The following COL13A1 variants were observed in gnomAD, a reference collection of about 807,000 sequenced individuals.
COL13A1 encodes collagen type XIII alpha 1 chain.
In COL13A1, 89 loss-of-function variants were observed where a neutral mutation model predicts 130.9. The ratio of observed to expected loss-of-function variants is 0.68; its 90% CI spans 0.57 to 0.81. The LOEUF is 0.81. Among genes scored for constraint, COL13A1 ranks in the 30% least tolerant of loss-of-function variants. The pLI is 0.00. For synonymous variants in COL13A1, 402 were observed against 341.6 expected (o/e 1.18, Z -1.95); for missense variants, 879 against 934.6 (o/e 0.94, Z 0.78).
intron 1 of COL13A1, among the ~76,000 whole-genome samples, chr10:69,805,385 G>A (rs1841284755): frequency 6.6e-6 from 1 of 152,182 alleles, no homozygotes. Context: ...GGAGCCAGAG[G>A]AAGGGAGCTG....
Position 69,890,694 on chromosome 10 carries a change from G to T in COL13A1, c.603+1254G>T, listed in dbSNP as rs74699887. 7.6e-3 allele frequency among the ~76,000 whole-genome samples: 1,153 copies of T among 152,360 alleles called. 12 individuals are homozygous for T. The highest frequency in any genetic ancestry group is 0.027 in the African/African-American group (1,105 of 41,584). ...GCTCCAGCCTAGCTCTTCCTAACTT[G>T]CCAGCTCCCTCTGGGCCCCAACCTG... On this transcript the variant is annotated intron_variant, in intron 10 of 40. Transcript: ENST00000645393.
intron 12 of COL13A1, among the ~76,000 whole-genome samples, chr10:69,895,114 C>G (rs2061512481): frequency 6.6e-6 from 1 of 152,234 alleles, no homozygotes; most frequent in Non-Finnish European, 1.5e-5. Context: ...TGTGCTTGCC[C>G]TTGGGCCGCT....
intron 37 of COL13A1, 38 bp from the exon 38 acceptor site, chr10:69,947,269 C>T (rs760623884): frequency 1.9e-6 from 3 of 1,606,728 alleles, no homozygotes; most frequent in South Asian, 2.2e-5. Flanking sequence ...GCCTGTGTGT[C>T]CTCATTAACA....
chr10:69,919,175 T>A, intron 20 of COL13A1, 87 bp downstream of exon 20: 1 of 1,566,640 alleles, frequency 6.4e-7, no homozygotes. Flanking sequence ...TTGCTCTTGG[T>A]CCCCCTGAGG....
At chr10:69,835,541 A>T (rs1370847475) in intron 2 of COL13A1, among the ~76,000 whole-genome samples, 2 of 151,958 alleles carry the variant, frequency 1.3e-5, no homozygotes, top group African/African-American at 4.8e-5. Context: ...GTCCCCACAC[A>T]CCTGGCCCTC....
At chr10:69,860,115 G>C (rs4237323) in intron 2 of COL13A1, among the ~76,000 whole-genome samples, 8,605 of 152,286 alleles carry the variant, frequency 0.057, 353 homozygotes, top group South Asian at 0.095. Flanking sequence ...GGGGGCTGCA[G>C]TCTCACTCTG....
intron 10 of COL13A1, among the ~76,000 whole-genome samples, chr10:69,892,139 T>G (rs1261183571): frequency 2.0e-5 from 3 of 152,210 alleles, no homozygotes; most frequent in Non-Finnish European, 2.9e-5. Context: ...ATCCCCTGTC[T>G]GCCTCATCAA....
At chr10:69,832,725 G>A (rs1003993509) in intron 2 of COL13A1, among the ~76,000 whole-genome samples, 37 of 152,202 alleles carry the variant, frequency 2.4e-4, no homozygotes, top group African/African-American at 8.4e-4. Context: ...GTGTTGGAGG[G>A]CCTTGGAACC....
intron 7 of COL13A1, 110 bp downstream of exon 7, chr10:69,880,663 G>T (rs142025950): frequency 1.7e-6 from 2 of 1,156,564 alleles, no homozygotes; most frequent in South Asian, 1.3e-5. Flanking sequence ...CCCCTGGGTG[G>T]GGAGGCCACC....
At chr10:69,901,369 G>T (rs976975538) in intron 14 of COL13A1, among the ~76,000 whole-genome samples, 10 of 152,186 alleles carry the variant, frequency 6.6e-5, no homozygotes, top group African/African-American at 2.4e-4. Context: ...GTGCAAGCAG[G>T]TCTTGCTGAA....
chr10:69,922,862 G>T, intron 23 of COL13A1, 68 bp downstream of exon 23: 1 of 1,109,594 alleles, frequency 9.0e-7, no homozygotes, highest in Non-Finnish European at 1.3e-6. Flanking sequence ...GCCTGTTCTC[G>T]GGGACTCTAC....
intron 2 of COL13A1, among the ~76,000 whole-genome samples, chr10:69,862,754 G>A (rs754570914): frequency 2.0e-5 from 3 of 152,176 alleles, no homozygotes; most frequent in Non-Finnish European, 4.4e-5. Context: ...TGATGCATGT[G>A]TTCTGCAGCC....
chr10:69,919,894 C>T (rs1217777042), intron 21 of COL13A1, among the ~76,000 whole-genome samples, 167 bp downstream of exon 21: 1 of 152,222 alleles, frequency 6.6e-6, no homozygotes, highest in East Asian at 1.9e-4. Flanking sequence ...CAGAAACCCA[C>T]ACTCAAGAGC....
chr10:69,948,649 A>G (rs10823448), intron 38 of COL13A1, among the ~76,000 whole-genome samples: 26,313 of 152,220 alleles, frequency 0.17, 2,649 homozygotes, highest in African/African-American at 0.27. Context: ...TCTTTCTGAC[A>G]TGTTCTAGTT....
chr10:69,897,491 T>C lies in COL13A1; in HGVS notation c.685-1206T>C, dbSNP rs1245483308. On this transcript the variant is annotated intron_variant, in intron 13 of 40. Transcript: ENST00000645393. ...CCAAACTAGGAGTGCCTAAGCAGCA[T>C]GCCAGCAGCTCTGCGCTCCAGCCAA... is the stretch of plus-strand genomic sequence containing the variant. The C allele has an allele frequency of 9.3e-6, 15 of 1,613,958 alleles. No homozygotes were observed. In the Admixed American group the frequency reaches 1.2e-4, roughly 13 times the overall value.
intron 38 of COL13A1, among the ~76,000 whole-genome samples, chr10:69,948,038 C>T (rs2068807165): frequency 6.6e-6 from 1 of 152,206 alleles, no homozygotes; most frequent in African/African-American, 2.4e-5. Context: ...CCTTTGGGTT[C>T]CCCTCTGGAG....
intron 1 of COL13A1, among the ~76,000 whole-genome samples, chr10:69,813,509 G>A (rs10998980): frequency 2.0e-5 from 3 of 152,058 alleles, no homozygotes; most frequent in African/African-American, 7.2e-5. Context: ...GGCAGTATGT[G>A]GTATCTGGAG....
At chr10:69,958,353 T>G (rs1046310387) in intron 40 of COL13A1, among the ~76,000 whole-genome samples, 1 of 152,174 alleles carries the variant, frequency 6.6e-6, no homozygotes, top group Non-Finnish European at 1.5e-5. Context: ...AGCTGCAATG[T>G]CTTGGAGAAG....
chr10:69,936,628 C>A, intron 32 of COL13A1, 128 bp from the exon 33 acceptor site: 1 of 1,027,064 alleles, frequency 9.7e-7, no homozygotes, highest in Non-Finnish European at 1.5e-6. Flanking sequence ...TTCTACCTCT[C>A]ATGGGCAGGG....
Sources: gnomAD v4.1 joint callset for allele counts (sites outside exome capture counted in the v4.1 genomes callset) on GRCh38, gnomAD v4.1.1 for gene constraint, MANE v1.5 for transcripts, NCBI Gene and HGNC (gene_info 2026-07-23, HGNC 2026-07-21) for gene names.